UST: variants seen among roughly 807,000 people sequenced by gnomAD.
UST encodes chondroitin sulfate 2-O-sulfotransferase.
UST carries 21 observed loss-of-function variants against 45.6 expected under a neutral mutation model. The observed-to-expected ratio is 0.46, with a 90% CI of 0.33 to 0.66. UST has a LOEUF of 0.66. Among genes scored for constraint, UST ranks in the 30% least tolerant of loss-of-function variants. The pLI is 0.02. For synonymous variants in UST, 215 were observed against 200.6 expected, an observed-to-expected ratio of 1.07 and a Z score of -0.61; for missense variants, 463 against 512.4, an observed-to-expected ratio of 0.90 and a Z score of 0.93.
intron 2 of UST, among the ~76,000 whole-genome samples, chr6:148,913,423 CTTTTTTTTTTTTT>C (rs34110477): frequency 2.5e-5 from 2 of 79,866 alleles, no homozygotes; most frequent in Non-Finnish European, 4.5e-5. Context: ...GACCAAAAAT[CTTTTTTTTTTTTT>C]TTTTTTTTTT....
intron 1 of UST, among the ~76,000 whole-genome samples, chr6:148,882,944 C>A (rs912854501): frequency 4.6e-5 from 7 of 152,174 alleles, no homozygotes; most frequent in Non-Finnish European, 8.8e-5. Flanking sequence ...TATGTAGATG[C>A]GAGAATGCCT....
intron 1 of UST, among the ~76,000 whole-genome samples, chr6:148,858,351 G>A (rs1344416892): frequency 6.6e-6 from 1 of 152,140 alleles, no homozygotes; most frequent in African/African-American, 2.4e-5. Flanking sequence ...ATGTTCGAGG[G>A]CAGGAAGTAT....
chr6:148,857,743 A>G (rs1482313155), intron 1 of UST, among the ~76,000 whole-genome samples: 1 of 145,212 alleles, frequency 6.9e-6, no homozygotes, highest in Non-Finnish European at 1.5e-5. Context: ...AGCCTGGGAG[A>G]CAGAGTGAGT....
At chr6:149,005,716 T>C in intron 5 of UST, 1 of 719,204 alleles carries the variant, frequency 1.4e-6, no homozygotes, top group Non-Finnish European at 1.7e-6. Context: ...AACTTATTTA[T>C]TTATTCTTCT....
At chr6:149,052,694 C>T (rs997976084) in intron 7 of UST, among the ~76,000 whole-genome samples, 3 of 152,160 alleles carry the variant, frequency 2.0e-5, no homozygotes, top group East Asian at 1.9e-4. Flanking sequence ...AAATGTTATT[C>T]TGCTGAATTC....
At chr6:148,948,119 G>A (rs1780286734) in intron 3 of UST, among the ~76,000 whole-genome samples, 1 of 152,132 alleles carries the variant, frequency 6.6e-6, no homozygotes, top group Non-Finnish European at 1.5e-5. Context: ...CTTCCCGCAG[G>A]CCATCCTGCC....
chr6:148,945,896 A>G (rs1274414683), intron 3 of UST, among the ~76,000 whole-genome samples: 1 of 152,196 alleles, frequency 6.6e-6, no homozygotes, highest in Non-Finnish European at 1.5e-5. Flanking sequence ...CTATAAACGT[A>G]ACATCTGTTC....
intron 7 of UST, among the ~76,000 whole-genome samples, chr6:149,039,351 T>A (rs565318482): frequency 1.3e-5 from 2 of 152,070 alleles, no homozygotes; most frequent in South Asian, 4.1e-4. Flanking sequence ...CTCAGCCTCC[T>A]GAGTAGCTGG....
At chr6:148,782,749 G>T (rs113289747) in intron 1 of UST, among the ~76,000 whole-genome samples, 2 of 152,150 alleles carry the variant, frequency 1.3e-5, no homozygotes, top group Non-Finnish European at 2.9e-5. Flanking sequence ...CACAGTGCCC[G>T]GCCAAGTTGT....
At chr6:148,946,116 TAGG>T (rs971977947) in intron 3 of UST, among the ~76,000 whole-genome samples, 3 of 152,124 alleles carry the variant, frequency 2.0e-5, no homozygotes, top group Non-Finnish European at 4.4e-5. Flanking sequence ...CAGTGAGACT[TAGG>T]GGGAAAAAAC....
chr6:149,048,875 G>A (rs543375747), intron 7 of UST, among the ~76,000 whole-genome samples: 9 of 152,168 alleles, frequency 5.9e-5, no homozygotes, highest in African/African-American at 1.2e-4. Flanking sequence ...TGGAGTCCCC[G>A]ATGATGAGGA....
At chr6:148,956,356 G>A (rs1343790675) in intron 4 of UST, among the ~76,000 whole-genome samples, 1 of 143,656 alleles carries the variant, frequency 7.0e-6, no homozygotes, top group South Asian at 2.4e-4. Flanking sequence ...GGAGTCGAAA[G>A]GCACTTCTTA....
At chr6:148,863,320 G>A (rs1337564184) in intron 1 of UST, among the ~76,000 whole-genome samples, 1 of 152,136 alleles carries the variant, frequency 6.6e-6, no homozygotes, top group African/African-American at 2.4e-5. Context: ...GCATCACGTA[G>A]TTCTCATGCC....
chr6:148,823,132 CTT>C (rs898333730), intron 1 of UST, among the ~76,000 whole-genome samples: 1 of 152,172 alleles, frequency 6.6e-6, no homozygotes, highest in Non-Finnish European at 1.5e-5. Flanking sequence ...AGAGACTACT[CTT>C]TTAGTTGAAA....
At chr6:149,070,669 A>G (rs1027778465) in intron 7 of UST, among the ~76,000 whole-genome samples, 36 of 152,182 alleles carry the variant, frequency 2.4e-4, no homozygotes, top group African/African-American at 8.0e-4. Context: ...CAGGCATGCA[A>G]TGCATAATAA....
At chr6:148,901,850 C>T (rs1054543649) in intron 2 of UST, among the ~76,000 whole-genome samples, 3 of 152,280 alleles carry the variant, frequency 2.0e-5, no homozygotes, top group South Asian at 2.1e-4. Context: ...TGAGCCACTG[C>T]GCCTGGCTGA....
intron 4 of UST, among the ~76,000 whole-genome samples, chr6:148,956,692 G>A (rs1283499091): frequency 6.6e-6 from 1 of 152,206 alleles, no homozygotes; most frequent in African/African-American, 2.4e-5. Context: ...ACACCTTGAG[G>A]ACAGGGCTGG....
chr6:148,907,972 G>A (rs371087882), intron 2 of UST, among the ~76,000 whole-genome samples: 10 of 123,298 alleles, frequency 8.1e-5, no homozygotes, highest in South Asian at 2.7e-4. Context: ...GCAGTGGCAC[G>A]ATCTTGGCTC....
intron 1 of UST, among the ~76,000 whole-genome samples, chr6:148,814,919 C>T (rs1777327942): frequency 6.6e-6 from 1 of 152,106 alleles, no homozygotes; most frequent in Non-Finnish European, 1.5e-5. Flanking sequence ...CCAACTTACT[C>T]CATTAATGAT....
Sources: gnomAD v4.1 joint callset for allele counts (sites outside exome capture counted in the v4.1 genomes callset) on GRCh38, gnomAD v4.1.1 for gene constraint, MANE v1.5 for transcripts, NCBI Gene and HGNC (gene_info 2026-07-23, HGNC 2026-07-21) for gene names.